Variants in WWC2 observed in about 807,000 individuals in gnomAD.
WWC2 encodes protein WWC2.
In WWC2, 101 loss-of-function variants were observed where a neutral mutation model predicts 138.5. That is an observed-to-expected ratio of 0.73 (90% CI 0.62 to 0.86). WWC2 has a LOEUF of 0.86. WWC2 is among the 40% of genes least tolerant of loss of function. WWC2 has a pLI of 0.00. For synonymous variants in WWC2, 558 were observed against 538.4 expected (o/e 1.04, Z -0.50); for missense variants, 1,420 against 1,419.4 (o/e 1.00, Z -0.01).
chr4:183,117,219 T>C (rs1164724525), intron 1 of WWC2, among the ~76,000 whole-genome samples: 64 of 142,102 alleles, frequency 4.5e-4, no homozygotes, highest in African/African-American at 1.6e-3. Context: ...CTTCTTCTTT[T>C]TTTTTTTTTT....
At chr4:183,145,382 TAAAGA>T (rs1040183782) in intron 1 of WWC2, among the ~76,000 whole-genome samples, 7 of 152,198 alleles carry the variant, frequency 4.6e-5, no homozygotes, top group Non-Finnish European at 7.3e-5. Context: ...ACAACAGTAT[TAAAGA>T]AGAGTTTAAA....
At chr4:183,278,645 T>C (rs1439459277) in intron 16 of WWC2, among the ~76,000 whole-genome samples, 2 of 152,088 alleles carry the variant, frequency 1.3e-5, no homozygotes, top group Non-Finnish European at 2.9e-5. Context: ...GTATCCTCTT[T>C]TGTTTCCTTG....
chr4:183,204,166 A>G (rs1735381285), intron 2 of WWC2, among the ~76,000 whole-genome samples: 2 of 152,164 alleles, frequency 1.3e-5, no homozygotes, highest in African/African-American at 2.4e-5. Context: ...TACAATTTCT[A>G]CCTCAGAGTT....
chr4:183,265,005 G>A lies in WWC2; in HGVS notation c.1937G>A (p.Arg646Lys). 1 of 1,613,052 alleles carries A rather than the reference G, an allele frequency of 6.2e-7. No homozygotes were observed. The highest frequency in any genetic ancestry group is 1.3e-5 in the African/African-American group (1 of 75,036). The change falls in exon 12 of 23, where the codon AGA becomes AAA. Residue 646 changes from arginine to lysine, a missense_variant. Coordinates refer to ENST00000403733, the MANE Select transcript of WWC2 (RefSeq NM_024949.6). Reference sequence around the variant, plus strand: ...GTGGAAAAATCATTACCAAAAAGAAGAGTGATCCACTTGCTTGGGGAGAAA... The same window carrying A: ...GTGGAAAAATCATTACCAAAAAGAAAAGTGATCCACTTGCTTGGGGAGAAA... ...ADVEKSLPKR[R>K]VIHLLGEKTT...
chr4:183,220,221 G>T (rs1735882437), intron 4 of WWC2, among the ~76,000 whole-genome samples: 1 of 152,126 alleles, frequency 6.6e-6, no homozygotes, highest in Non-Finnish European at 1.5e-5. Context: ...TGACAACTCA[G>T]CCTGGCTAAC....
Position 183,099,467 on chromosome 4 carries a change from C to A in WWC2, c.-25C>A. The stretch of plus-strand genomic sequence containing the variant: ...CCCGCGCCCGGTACCTATGGAGGCG[C>A]CGCTCGCCGGCGAGGCCGCCGACCA... On this transcript the variant is annotated 5_prime_UTR_variant, in exon 1 of 23. Transcript: ENST00000403733. The A allele has an allele frequency of 7.8e-7, 1 of 1,274,986 alleles. No individual in the cohort carries two copies. Among genetic ancestry groups the A allele is most frequent in the Non-Finnish European group, 1.0e-6 (1 of 1,001,574 alleles). 79.0% of individuals were successfully genotyped at this position (1,274,986 alleles called of 1,614,324 possible).
intron 1 of WWC2, among the ~76,000 whole-genome samples, chr4:183,131,673 C>A (rs1732929359): frequency 6.6e-6 from 1 of 152,180 alleles, no homozygotes; most frequent in Non-Finnish European, 1.5e-5. Flanking sequence ...GGATAAATGG[C>A]AGTTCCAAAG....
chr4:183,234,551 A>G (rs1736356177), intron 4 of WWC2, among the ~76,000 whole-genome samples: 1 of 151,542 alleles, frequency 6.6e-6, no homozygotes, highest in Non-Finnish European at 1.5e-5. Context: ...TACATGTATT[A>G]TCATGCCATT....
At chr4:183,278,604 C>T (rs202197708) in intron 16 of WWC2, among the ~76,000 whole-genome samples, 37,484 of 151,200 alleles carry the variant, frequency 0.25, 5,326 homozygotes, top group Middle Eastern at 0.42. Context: ...TTCTTCCTAC[C>T]CATGAGCATG....
intron 16 of WWC2, among the ~76,000 whole-genome samples, chr4:183,279,653 A>C (rs981307894): frequency 5.3e-5 from 8 of 151,814 alleles, no homozygotes; most frequent in African/African-American, 2.4e-5. Context: ...ACAATTTCAG[A>C]TCCTGTTATT....
At chr4:183,247,775 CTATATATATAT>C (rs1178939755) in intron 6 of WWC2, among the ~76,000 whole-genome samples, 4 of 131,612 alleles carry the variant, frequency 3.0e-5, no homozygotes, top group African/African-American at 5.6e-5. Context: ...AATATATATA[CTATATATATAT>C]TATATATATA....
chr4:183,145,676 G>A (rs1733432865), intron 1 of WWC2, among the ~76,000 whole-genome samples: 1 of 152,174 alleles, frequency 6.6e-6, no homozygotes, highest in South Asian at 2.1e-4. Flanking sequence ...AAAACTGACA[G>A]ACTTAAAAAC....
chr4:183,282,704 A>T lies in WWC2; in HGVS notation c.2685-4A>T, dbSNP rs774016053. The T allele has an allele frequency of 2.6e-6, 4 of 1,562,722 alleles. No homozygotes were observed. Among genetic ancestry groups the T allele is most frequent in the Non-Finnish European group, 3.5e-6 (4 of 1,152,760 alleles). On this transcript the variant is annotated splice_region_variant and splice_polypyrimidine_tract_variant and intron_variant, in intron 17 of 22. Transcript: ENST00000403733. ...AAAAGTGTTTTGTTTTTGTTTTACCATAGGCTAACAATGCTAAGAGAGGCC... is the reference window on the plus strand; with the variant it reads ...AAAAGTGTTTTGTTTTTGTTTTACCTTAGGCTAACAATGCTAAGAGAGGCC...
At chr4:183,250,103 G>C in intron 8 of WWC2, 110 bp downstream of exon 8, 1 of 986,436 alleles carries the variant, frequency 1.0e-6, no homozygotes, top group Non-Finnish European at 1.5e-6. Flanking sequence ...TTCTTACCAA[G>C]GCCACCCTTC....
chr4:183,261,389 A>G lies in WWC2; in HGVS notation c.1766A>G (p.Glu589Gly). 6.2e-7 allele frequency: 1 copy of G among 1,613,166 alleles called. No homozygotes were observed. The highest frequency in any genetic ancestry group is 1.1e-5 in the South Asian group (1 of 90,776). ...HQFTADFEDC[E>G]LSSHFADISL... is the part of the protein sequence containing the mutation. ...TTCACTGCTGACTTTGAAGACTGTG[A>G]GTTGAGTAGCCATTTTGCAGATATC... Residue 589 changes from glutamate to glycine, a missense_variant, in exon 11 of 23, where the codon GAG becomes GGG. By Grantham distance (98) the Glu-to-Gly change is moderately conservative. Transcript: ENST00000403733.
intron 1 of WWC2, among the ~76,000 whole-genome samples, chr4:183,139,374 A>C (rs1372674758): frequency 6.6e-6 from 1 of 152,174 alleles, no homozygotes; most frequent in African/African-American, 2.4e-5. Flanking sequence ...CCTACTTGAC[A>C]GGTCTACTTT....
At chr4:183,177,467 T>C (rs1734499348) in intron 1 of WWC2, among the ~76,000 whole-genome samples, 1 of 152,184 alleles carries the variant, frequency 6.6e-6, no homozygotes, top group African/African-American at 2.4e-5. Flanking sequence ...AACAATTTAA[T>C]ACAAAGAAAT....
At position 183,307,703 on chromosome 4, in the gene WWC2, T is replaced by A. The variant is rs574718543; in HGVS notation, c.3385-4638T>A. On this transcript the variant is annotated intron_variant, in intron 21 of 22. Coordinates refer to ENST00000403733, the MANE Select transcript of WWC2 (RefSeq NM_024949.6). Reference sequence around the variant, plus strand: ...ATGCTAAAAATAACTCCCAGCAAACTAGGAATAAAAGGGACCTTAAAGAAC... The same window carrying A: ...ATGCTAAAAATAACTCCCAGCAAACAAGGAATAAAAGGGACCTTAAAGAAC... 9.3e-4 allele frequency among the ~76,000 whole-genome samples: 142 copies of A among 152,188 alleles called. 2 individuals carry two copies. Among genetic ancestry groups the A allele is most frequent in the Admixed American group, 1.2e-3 (19 of 15,284 alleles).
intron 1 of WWC2, among the ~76,000 whole-genome samples, chr4:183,114,697 AG>A (rs1387756237): frequency 6.6e-6 from 1 of 150,810 alleles, no homozygotes; most frequent in East Asian, 1.9e-4. Context: ...CGTTTATTTC[AG>A]GTTCACAGAG....
Sources: gnomAD v4.1 joint callset for allele counts (sites outside exome capture counted in the v4.1 genomes callset) on GRCh38, gnomAD v4.1.1 for gene constraint, MANE v1.5 for transcripts, NCBI Gene and HGNC (gene_info 2026-07-23, HGNC 2026-07-21) for gene names.